The following FAXC variants were observed in gnomAD, a reference collection of about 807,000 sequenced individuals.
The protein encoded by FAXC is failed axon connections homolog.
In FAXC, 10 loss-of-function variants were observed where a neutral mutation model predicts 41.9. The observed-to-expected ratio is 0.24, with a 90% CI of 0.15 to 0.41. The LOEUF (loss-of-function observed/expected upper bound fraction) is 0.41, where lower values mean the gene tolerates loss of function less well. Ranked by LOEUF, FAXC falls within the 10% of genes least tolerant of loss-of-function variation. The pLI, the probability that FAXC is intolerant of heterozygous loss-of-function variation, is 1.00. For synonymous variants in FAXC, 183 were observed against 183.8 expected (o/e 1.00, Z 0.03); for missense variants, 399 against 510.9 (o/e 0.78, Z 2.11).
rs1770557839 is a variant in FAXC, at chr6:99,275,264, A to G, written c.*5900T>C. ...GATACACATATATTGCTTTATGGTT[A>G]GTGGATTGTTTCAAAAATGCATGAT... On this transcript the variant is annotated 3_prime_UTR_variant, in exon 6 of 6. Transcript: ENST00000389677. 2 of 152,226 alleles carry G rather than the reference A, an allele frequency of 1.3e-5. No homozygotes were observed. Among genetic ancestry groups the G allele is most frequent in the African/African-American group, 4.8e-5 (2 of 41,454 alleles). 9.4% of individuals were successfully genotyped at this position (152,226 alleles called of 1,614,324 possible).
chr6:99,346,990 G>C (rs901492448), intron 1 of FAXC, among the ~76,000 whole-genome samples: 1 of 152,064 alleles, frequency 6.6e-6, no homozygotes, highest in African/African-American at 2.4e-5. Context: ...GGCCAAGTAT[G>C]GTGGCTCACA....
At chr6:99,289,127 C>T (rs1437246054) in intron 5 of FAXC, among the ~76,000 whole-genome samples, 4 of 152,202 alleles carry the variant, frequency 2.6e-5, no homozygotes, top group Non-Finnish European at 5.9e-5. Flanking sequence ...CCAGCCTGCT[C>T]AGTTGGGCAT....
intron 3 of FAXC, among the ~76,000 whole-genome samples, chr6:99,331,713 G>T (rs186317619): frequency 6.6e-6 from 1 of 152,132 alleles, no homozygotes; most frequent in African/African-American, 2.4e-5. Context: ...ATCAAATGAG[G>T]TAGTGCCTTG....
chr6:99,338,758 A>G (rs574930734), intron 2 of FAXC, among the ~76,000 whole-genome samples: 1 of 152,338 alleles, frequency 6.6e-6, no homozygotes, highest in Non-Finnish European at 1.5e-5. Context: ...GATCTTTCAA[A>G]TATGAGCCAA....
intron 4 of FAXC, among the ~76,000 whole-genome samples, chr6:99,295,692 T>TA (rs557063600): frequency 7.7e-4 from 118 of 152,324 alleles, no homozygotes; most frequent in African/African-American, 2.7e-3. Context: ...TCCTGACTAA[T>TA]ACACCTTCGC....
At chr6:99,286,324 A>C (rs930590300) in intron 5 of FAXC, among the ~76,000 whole-genome samples, 2 of 152,204 alleles carry the variant, frequency 1.3e-5, no homozygotes, top group African/African-American at 4.8e-5. Context: ...AAAACAGGCC[A>C]AGGTAATTCG....
chr6:99,311,342 C>T (rs60355660), intron 4 of FAXC, among the ~76,000 whole-genome samples: 6,672 of 152,160 alleles, frequency 0.044, 531 homozygotes, highest in East Asian at 0.38. Context: ...TTTGGGAGGC[C>T]GAGGTGGGTG....
intron 2 of FAXC, among the ~76,000 whole-genome samples, chr6:99,336,775 A>C (rs1314648694): frequency 1.3e-5 from 2 of 152,182 alleles, no homozygotes; most frequent in Non-Finnish European, 2.9e-5. Context: ...TGCTAGGATG[A>C]AATGAGAAGA....
chr6:99,291,071 A>C (rs1048375789), intron 5 of FAXC, among the ~76,000 whole-genome samples: 1 of 152,116 alleles, frequency 6.6e-6, no homozygotes. Flanking sequence ...TGGCCTCCCA[A>C]AGTGCTGGGA....
In FAXC at chr6:99,349,390, G is replaced by C; in HGVS notation, c.-18C>G. ...CAGTGCATGCTGCGCGGCTGGCTCC[G>C]GGCGCCCCTCCCAGGGCCCGCGCCG... On this transcript the variant is annotated 5_prime_UTR_variant, in exon 1 of 6. Coordinates refer to ENST00000389677, the MANE Select transcript of FAXC (RefSeq NM_032511.4). 1.3e-6 allele frequency: 2 copies of C among 1,590,510 alleles called. No homozygotes were observed. Among genetic ancestry groups the C allele is most frequent in the Non-Finnish European group, 1.7e-6 (2 of 1,169,308 alleles).
intron 3 of FAXC, among the ~76,000 whole-genome samples, chr6:99,328,363 G>C (rs1772896809): frequency 6.6e-6 from 1 of 152,160 alleles, no homozygotes; most frequent in East Asian, 1.9e-4. Context: ...GAGCTGCCTT[G>C]GCCCTTCCAC....
chr6:99,330,479 C>T (rs1772991655), intron 3 of FAXC, among the ~76,000 whole-genome samples: 1 of 152,182 alleles, frequency 6.6e-6, no homozygotes, highest in South Asian at 2.1e-4. Flanking sequence ...GTATAGATTT[C>T]AAGTGGAAGA....
At chr6:99,313,779 A>C (rs1204516508) in intron 4 of FAXC, among the ~76,000 whole-genome samples, 1 of 152,162 alleles carries the variant, frequency 6.6e-6, no homozygotes, top group Non-Finnish European at 1.5e-5. Context: ...ATGGTTAGCC[A>C]CCTGTCCTGG....
chr6:99,295,733 C>T (rs576142163), intron 4 of FAXC, among the ~76,000 whole-genome samples: 2 of 152,184 alleles, frequency 1.3e-5, no homozygotes, highest in African/African-American at 4.8e-5. Flanking sequence ...ATATAATGTC[C>T]TATATCTTAT....
At chr6:99,321,384 G>T (rs1045895678) in intron 4 of FAXC, among the ~76,000 whole-genome samples, 1 of 152,190 alleles carries the variant, frequency 6.6e-6, no homozygotes, top group Admixed American at 6.5e-5. Flanking sequence ...CCACATCCGT[G>T]GGGATGGCAG....
At chr6:99,349,849 G>A (rs935215584), upstream of FAXC, among the ~76,000 whole-genome samples, 9 of 152,014 alleles carry the variant, frequency 5.9e-5, no homozygotes, top group African/African-American at 2.2e-4. Context: ...CCCAAAAACC[G>A]CTCGCCGCGC....
chr6:99,314,151 GC>G (rs1455010870), intron 4 of FAXC, among the ~76,000 whole-genome samples: 1 of 151,924 alleles, frequency 6.6e-6, no homozygotes, highest in African/African-American at 2.4e-5. Flanking sequence ...ATAGACACGT[GC>G]CCCCACACCC....
chr6:99,349,438 C>T lies in FAXC; in HGVS notation c.-66G>A. ...CCGCCCGCATGGGAAGGGGCCGGCGCGGCCCGGCGCGGGCTCAGAGGCGCG... is the reference window on the plus strand; with the variant it reads ...CCGCCCGCATGGGAAGGGGCCGGCGTGGCCCGGCGCGGGCTCAGAGGCGCG... On this transcript the variant is annotated 5_prime_UTR_variant, in exon 1 of 6. Coordinates refer to ENST00000389677, the MANE Select transcript of FAXC (RefSeq NM_032511.4). The T allele has an allele frequency of 8.5e-7, 1 of 1,183,206 alleles. No individual in the cohort carries two copies. 73.3% of individuals were successfully genotyped at this position (1,183,206 alleles called of 1,614,324 possible).
At chr6:99,309,861 G>A in intron 4 of FAXC, 1 of 974,790 alleles carries the variant, frequency 1.0e-6, no homozygotes, top group Non-Finnish European at 1.2e-6. Flanking sequence ...TACAGGTAAA[G>A]TTAAAATTTA....
Sources: gnomAD v4.1 joint callset for allele counts (sites outside exome capture counted in the v4.1 genomes callset) on GRCh38, gnomAD v4.1.1 for gene constraint, MANE v1.5 for transcripts, NCBI Gene and HGNC (gene_info 2026-07-23, HGNC 2026-07-21) for gene names.